The following PPM1L variants were observed in gnomAD, a reference collection of about 807,000 sequenced individuals.
PPM1L encodes the protein protein phosphatase, Mg2+/Mn2+ dependent 1L.
In PPM1L, 13 loss-of-function variants were observed where a neutral mutation model predicts 31.4. The ratio of observed to expected loss-of-function variants is 0.41; its 90% confidence interval spans 0.27 to 0.66. The LOEUF (loss-of-function observed/expected upper bound fraction) is 0.66, where lower values mean the gene tolerates loss of function less well. Ranked by LOEUF, PPM1L falls within the 30% of genes least tolerant of loss-of-function variation. PPM1L has a pLI of 0.29. For synonymous variants in PPM1L, 184 were observed against 175.4 expected (o/e 1.05, Z -0.39); for missense variants, 326 against 453.7 (o/e 0.72, Z 2.56).
chr3:160,809,388 T>C (rs1560113051), intron 1 of PPM1L, among the ~76,000 whole-genome samples: 1 of 152,134 alleles, frequency 6.6e-6, no homozygotes, highest in Non-Finnish European at 1.5e-5. Flanking sequence ...TGGAGTTTCT[T>C]AACTGAAGGC....
chr3:160,852,886 G>C (rs529860655), intron 1 of PPM1L, among the ~76,000 whole-genome samples: 1 of 152,276 alleles, frequency 6.6e-6, no homozygotes, highest in African/African-American at 2.4e-5. Flanking sequence ...TAAGATGTTA[G>C]TTTCCTGTGG....
intron 1 of PPM1L, among the ~76,000 whole-genome samples, chr3:160,947,981 T>A (rs1437966286): frequency 6.6e-6 from 1 of 152,142 alleles, no homozygotes; most frequent in African/African-American, 2.4e-5. Flanking sequence ...ACCACTGAAC[T>A]CCTTACATCA....
intron 2 of PPM1L, among the ~76,000 whole-genome samples, chr3:160,981,408 C>G (rs552370846): frequency 6.6e-6 from 1 of 152,302 alleles, no homozygotes; most frequent in East Asian, 1.9e-4. Flanking sequence ...TTCATAAGGC[C>G]TCTTGCCACA....
intron 1 of PPM1L, among the ~76,000 whole-genome samples, chr3:160,805,065 A>G (rs934660022): frequency 1.3e-5 from 2 of 152,138 alleles, no homozygotes; most frequent in Non-Finnish European, 2.9e-5. Context: ...GAAGCTGGCT[A>G]TGTTCCCAGC....
At chr3:160,775,321 G>A (rs780318942) in intron 1 of PPM1L, among the ~76,000 whole-genome samples, 3 of 152,126 alleles carry the variant, frequency 2.0e-5, no homozygotes, top group Non-Finnish European at 4.4e-5. Flanking sequence ...ATTCATATAG[G>A]GGTTACACCA....
At chr3:160,893,789 A>G (rs1252206592) in intron 1 of PPM1L, among the ~76,000 whole-genome samples, 1 of 152,198 alleles carries the variant, frequency 6.6e-6, no homozygotes, top group African/African-American at 2.4e-5. Flanking sequence ...ACAAATACAG[A>G]TGGTCCCTGA....
intron 1 of PPM1L, among the ~76,000 whole-genome samples, chr3:160,872,910 C>T (rs1306791849): frequency 6.6e-6 from 1 of 151,878 alleles, no homozygotes; most frequent in Non-Finnish European, 1.5e-5. Context: ...CTGGGCGGCA[C>T]AGCGGGACTC....
intron 1 of PPM1L, among the ~76,000 whole-genome samples, chr3:160,808,517 T>TG (rs534765720): frequency 2.0e-5 from 3 of 152,078 alleles, no homozygotes; most frequent in Admixed American, 6.5e-5. Flanking sequence ...GGCCTATAGC[T>TG]GGGGGGCCTC....
At chr3:160,830,098 GTTCTCTGCT>G (rs1355356733) in intron 1 of PPM1L, among the ~76,000 whole-genome samples, 1 of 152,158 alleles carries the variant, frequency 6.6e-6, no homozygotes, top group African/African-American at 2.4e-5. Context: ...AGCTGGCTTT[GTTCTCTGCT>G]TAGACATTTC....
intron 1 of PPM1L, among the ~76,000 whole-genome samples, chr3:160,854,932 AAAAAC>A (rs1711637455): frequency 6.6e-6 from 1 of 152,084 alleles, no homozygotes; most frequent in Non-Finnish European, 1.5e-5. Context: ...TAAGCAAAAA[AAAAAC>A]AAAGTCACAG....
intron 1 of PPM1L, among the ~76,000 whole-genome samples, chr3:160,938,032 A>T (rs1389217729): frequency 6.6e-6 from 1 of 152,220 alleles, no homozygotes; most frequent in Non-Finnish European, 1.5e-5. Flanking sequence ...GGAAGTCCAT[A>T]CAAGTATTTT....
chr3:160,999,110 T>G (rs1201884493), intron 2 of PPM1L, among the ~76,000 whole-genome samples: 4 of 152,172 alleles, frequency 2.6e-5, no homozygotes, highest in Admixed American at 1.3e-4. Context: ...TAGCCTACAT[T>G]CTTCAGCACA....
chr3:160,772,443 C>T (rs959068633), intron 1 of PPM1L, among the ~76,000 whole-genome samples: 4 of 152,170 alleles, frequency 2.6e-5, no homozygotes, highest in Non-Finnish European at 4.4e-5. Flanking sequence ...AAAACAGGTC[C>T]TCATTCCTTA....
Position 161,075,712 on chromosome 3 carries a change from G to A in PPM1L, c.*6555G>A, listed in dbSNP as rs1236548358. The A allele has an allele frequency of 1.3e-5, 2 of 152,146 alleles. No individual in the cohort carries two copies. The highest frequency in any genetic ancestry group is 2.9e-5 in the Non-Finnish European group (2 of 68,020). The allele number at this position is 152,146 out of a possible 1,614,324, so 9.4% of individuals were successfully genotyped here. A position where few individuals can be genotyped will look rare whatever the true frequency, so the allele number is the denominator to read the frequency against. On this transcript the variant is annotated 3_prime_UTR_variant, in exon 4 of 4. Transcript: ENST00000498165. ...AGGAAATATTTTAAATTAAGAAAAG[G>A]AGGTGTTATAGTTTATTACATCATG...
chr3:160,872,226 TA>T (rs1241322338), intron 1 of PPM1L, among the ~76,000 whole-genome samples: 1 of 152,224 alleles, frequency 6.6e-6, no homozygotes, highest in Non-Finnish European at 1.5e-5. Context: ...GAGAAGGGTT[TA>T]GGGGGTTATT....
chr3:161,029,324 A>T (rs1033046002), intron 2 of PPM1L, among the ~76,000 whole-genome samples: 1 of 152,238 alleles, frequency 6.6e-6, no homozygotes, highest in Admixed American at 6.5e-5. Flanking sequence ...AGCTAAGGTC[A>T]TACAAATAGT....
In PPM1L at chr3:160,756,752, CG is replaced by C. The variant is rs956129226; in HGVS notation, c.399+46del. 2.9e-5 allele frequency: 29 copies of C among 1,016,704 alleles called. No homozygotes were observed. Among genetic ancestry groups the C allele is most frequent in the East Asian group, 7.9e-5 (3 of 37,944 alleles). 63.0% of individuals were successfully genotyped at this position (1,016,704 alleles called of 1,614,324 possible). A position where few individuals can be genotyped will look rare whatever the true frequency, so the allele number is the denominator to read the frequency against. On this transcript the variant is annotated intron_variant, in intron 1 of 3. Transcript: ENST00000498165. The surrounding 1 kb of genome is among the most constrained non-coding windows in gnomAD (Gnocchi z 6.2). ...TTTGTATTTGTGTCCGTGTATGTCT[CG>C]TGTGTGTGTGTGTGTGTGTGTGTGT...
chr3:160,849,716 G>A (rs975120784), intron 1 of PPM1L, among the ~76,000 whole-genome samples: 3 of 151,066 alleles, frequency 2.0e-5, no homozygotes, highest in African/African-American at 4.9e-5. Flanking sequence ...CCGCCACCAC[G>A]CCCGGCTAAT....
At chr3:161,016,242 A>T (rs1432850538) in intron 2 of PPM1L, among the ~76,000 whole-genome samples, 1 of 152,242 alleles carries the variant, frequency 6.6e-6, no homozygotes, top group Non-Finnish European at 1.5e-5. Flanking sequence ...TGTTTCAGAT[A>T]GTTAAATGCA....
Sources: allele counts gnomAD v4.1 joint callset (sites outside exome capture counted in the v4.1 genomes callset), GRCh38; gene constraint gnomAD v4.1.1; non-coding constraint Gnocchi (gnomAD v3.1); transcripts MANE v1.5; gene names NCBI Gene and HGNC (gene_info 2026-07-23, HGNC 2026-07-21).